Variants in DIP2B observed in about 807,000 individuals in gnomAD.
The protein encoded by DIP2B is disco-interacting protein 2 homolog B.
DIP2B carries 76 observed loss-of-function variants against 198.0 expected under a neutral mutation model. That is an observed-to-expected ratio of 0.38 (90% confidence interval 0.32 to 0.46). The LOEUF is 0.46. DIP2B is among the 20% of genes least tolerant of loss of function. The pLI is 0.99. For synonymous variants in DIP2B, 701 were observed against 739.1 expected, an observed-to-expected ratio of 0.95 and a Z score of 0.84; for missense variants, 1,559 against 1,978.4, an observed-to-expected ratio of 0.79 and a Z score of 4.02.
intron 27 of DIP2B, among the ~76,000 whole-genome samples, chr12:50,723,907 T>C (rs947591512): frequency 6.6e-6 from 1 of 152,196 alleles, no homozygotes; most frequent in African/African-American, 2.4e-5. Context: ...TGGTATAGCA[T>C]TAAAAGGTGT....
intron 2 of DIP2B, among the ~76,000 whole-genome samples, chr12:50,631,424 A>C (rs1300799283): frequency 6.6e-6 from 1 of 151,850 alleles, no homozygotes; most frequent in African/African-American, 2.4e-5. Context: ...ACAGGGTTTC[A>C]CCATGTTGGC....
At chr12:50,719,237 T>C (rs546087726) in intron 25 of DIP2B, among the ~76,000 whole-genome samples, 1 of 152,334 alleles carries the variant, frequency 6.6e-6, no homozygotes, top group Non-Finnish European at 1.5e-5. Context: ...TGCTATGTAA[T>C]ACTTTCTTTT....
chr12:50,548,676 C>T (rs184312154), intron 1 of DIP2B, among the ~76,000 whole-genome samples: 15 of 152,230 alleles, frequency 9.9e-5, no homozygotes, highest in Middle Eastern at 3.4e-3. Flanking sequence ...CAGGTACCTG[C>T]CATTGCGACT....
intron 1 of DIP2B, among the ~76,000 whole-genome samples, chr12:50,624,504 T>C (rs1179474209): frequency 6.6e-6 from 1 of 152,154 alleles, no homozygotes; most frequent in Non-Finnish European, 1.5e-5. Flanking sequence ...AGCTAATTTT[T>C]TGTATTTTTA....
intron 1 of DIP2B, among the ~76,000 whole-genome samples, chr12:50,603,035 G>A (rs763881493): frequency 1.9e-4 from 27 of 144,824 alleles, no homozygotes; most frequent in Non-Finnish European, 2.9e-4. Context: ...GTGGTGGCAG[G>A]CGCCTGTAGT....
At chr12:50,536,367 C>T (rs1958267453) in intron 1 of DIP2B, among the ~76,000 whole-genome samples, 1 of 152,036 alleles carries the variant, frequency 6.6e-6, no homozygotes, top group Admixed American at 6.6e-5. Context: ...ATTGCTTGAG[C>T]CCAGGAGGGA....
Position 50,744,617 on chromosome 12 carries a change from G to C in DIP2B, c.4509G>C (p.Val1503=). 6.2e-7 allele frequency: 1 copy of C among 1,614,070 alleles called. No individual in the cohort carries two copies. ...CAVFTWTNLL[V]VVVELCGSEQ... Reference sequence around the variant, plus strand: ...TGTTCACATGGACCAACTTGCTTGTGGTGGTTGTGGAACTGTGCGGCTCTG... The same window carrying C: ...TGTTCACATGGACCAACTTGCTTGTCGTGGTTGTGGAACTGTGCGGCTCTG... Residue 1503 remains valine, a synonymous_variant, in exon 38 of 38, where the codon GTG becomes GTC. Coordinates refer to ENST00000301180, the MANE Select transcript of DIP2B (RefSeq NM_173602.3).
At chr12:50,623,429 ACACACACACTCTCTCTCTCT>A (rs1593664124) in intron 1 of DIP2B, among the ~76,000 whole-genome samples, 3 of 49,402 alleles carry the variant, frequency 6.1e-5, no homozygotes, top group African/African-American at 2.5e-4. Context: ...ACACACACAC[ACACACACACTCTCTCTCTCT>A]CTCTCTCTCT....
chr12:50,591,350 C>A (rs1958816489), intron 1 of DIP2B, among the ~76,000 whole-genome samples: 1 of 151,824 alleles, frequency 6.6e-6, no homozygotes, highest in Admixed American at 6.6e-5. Context: ...TTTTTGTTTA[C>A]CCATCTGATT....
chr12:50,581,958 C>T (rs1958727942), intron 1 of DIP2B, among the ~76,000 whole-genome samples: 1 of 152,204 alleles, frequency 6.6e-6, no homozygotes, highest in East Asian at 1.9e-4. Context: ...AGTGTGAGAG[C>T]TGTGCGAGCC....
At position 50,695,364 on chromosome 12, in the gene DIP2B, G is replaced by A. The variant is rs773952862; in HGVS notation, c.1813+4G>A. Reference sequence around the variant, plus strand: ...CAAAGAGTACATGCTCACAAAGGTAGTCACCTGCAACATCTGAGCTTTAAT... The same window carrying A: ...CAAAGAGTACATGCTCACAAAGGTAATCACCTGCAACATCTGAGCTTTAAT... On this transcript the variant is annotated splice_donor_region_variant and intron_variant, in intron 15 of 37. Coordinates refer to ENST00000301180, the MANE Select transcript of DIP2B (RefSeq NM_173602.3). 38 of 1,609,378 alleles carry A rather than the reference G, an allele frequency of 2.4e-5. No individual in the cohort carries two copies. The highest frequency in any genetic ancestry group is 3.1e-5 in the Non-Finnish European group (37 of 1,176,340).
intron 36 of DIP2B, among the ~76,000 whole-genome samples, chr12:50,740,643 T>A (rs902336667): frequency 6.6e-6 from 1 of 152,218 alleles, no homozygotes; most frequent in African/African-American, 2.4e-5. Context: ...TCACTTTGTT[T>A]TGCTGAATTT....
At chr12:50,678,545 C>T in intron 7 of DIP2B, 134 bp from the exon 8 acceptor site, 1 of 938,178 alleles carries the variant, frequency 1.1e-6, no homozygotes. Context: ...CCATTTCTAA[C>T]CATGTCCTTT....
intron 1 of DIP2B, among the ~76,000 whole-genome samples, chr12:50,613,702 A>G (rs914719797): frequency 6.6e-6 from 1 of 152,132 alleles, no homozygotes; most frequent in African/African-American, 2.4e-5. Context: ...CCCATAAAGC[A>G]CTCACAGATC....
intron 36 of DIP2B, 143 bp from the exon 37 acceptor site, chr12:50,741,273 C>T (rs1940237213): frequency 1.1e-6 from 1 of 898,568 alleles, no homozygotes; most frequent in South Asian, 2.0e-5. Flanking sequence ...GGATTCAGAG[C>T]CTTAAGGAAT....
intron 23 of DIP2B, among the ~76,000 whole-genome samples, chr12:50,717,092 G>T (rs994530636): frequency 1.3e-5 from 2 of 150,322 alleles, no homozygotes; most frequent in African/African-American, 4.9e-5. Context: ...TTACAGGTGT[G>T]AGCTACTACG....
intron 28 of DIP2B, 39 bp downstream of exon 28, chr12:50,724,925 AGC>A: frequency 2.5e-6 from 4 of 1,577,466 alleles, no homozygotes; most frequent in South Asian, 1.1e-5. Flanking sequence ...AGGGACTGAG[AGC>A]TCACAATACC....
rs1322740297 is a variant in DIP2B at position 50,543,351 on chromosome 12, G to A, written c.100+38111G>A. ...GTCACCTAGGCTGGAGTGCAGTGGC[G>A]CAATCTTGGCTCACCGCAACTTCCG... On this transcript the variant is annotated intron_variant, in intron 1 of 37. Coordinates refer to ENST00000301180, the MANE Select transcript of DIP2B (RefSeq NM_173602.3). Among the ~76,000 whole-genome samples, 8 of 151,456 alleles carry A rather than the reference G, an allele frequency of 5.3e-5. No individual in the cohort carries two copies. In the East Asian group the frequency reaches 5.8e-4, roughly 11 times the overall value.
intron 1 of DIP2B, among the ~76,000 whole-genome samples, chr12:50,532,678 GA>G (rs1958228923): frequency 6.6e-6 from 1 of 152,202 alleles, no homozygotes; most frequent in African/African-American, 2.4e-5. Flanking sequence ...ATGTGCCAGA[GA>G]AGATGAGTAA....
Sources: allele counts gnomAD v4.1 joint callset (sites outside exome capture counted in the v4.1 genomes callset), GRCh38; gene constraint gnomAD v4.1.1; transcripts MANE v1.5; gene names NCBI Gene and HGNC (gene_info 2026-07-23, HGNC 2026-07-21).